Variants in DCLK1 observed in about 807,000 individuals in gnomAD.
DCLK1 encodes serine/threonine-protein kinase DCLK1.
Under a neutral mutation model 86.2 loss-of-function variants are expected in DCLK1, and 16 were observed. The observed-to-expected ratio is 0.19, with a 90% CI of 0.13 to 0.28. The LOEUF (loss-of-function observed/expected upper bound fraction) is 0.28, where lower values mean the gene tolerates loss of function less well. Ranked by LOEUF, DCLK1 falls within the 10% of genes least tolerant of loss-of-function variation. The probability of loss-of-function intolerance (pLI) is 1.00; values close to 1 mark genes in which losing one functional copy is unlikely to be tolerated. For missense variants in DCLK1, 590 were observed against 940.2 expected, an observed-to-expected ratio of 0.63 and a Z score of 4.87; for synonymous variants, 369 against 370.5, an observed-to-expected ratio of 1.00 and a Z score of 0.05.
intron 3 of DCLK1, among the ~76,000 whole-genome samples, chr13:35,956,369 T>G (rs1268738203): frequency 6.6e-6 from 1 of 152,210 alleles, no homozygotes; most frequent in Non-Finnish European, 1.5e-5. Flanking sequence ...CACAAAAGAT[T>G]CATGCAAGTA....
At chr13:35,873,981 C>A (rs553255004) in intron 4 of DCLK1, among the ~76,000 whole-genome samples, 1 of 152,086 alleles carries the variant, frequency 6.6e-6, no homozygotes, top group Non-Finnish European at 1.5e-5. Flanking sequence ...AAATATTTAT[C>A]ATTGTAGGTA....
At chr13:35,935,293 G>A (rs1262769738) in intron 4 of DCLK1, among the ~76,000 whole-genome samples, 1 of 152,148 alleles carries the variant, frequency 6.6e-6, no homozygotes, top group African/African-American at 2.4e-5. Flanking sequence ...GGCAGTGGAG[G>A]GCTAGGTAAG....
intron 3 of DCLK1, among the ~76,000 whole-genome samples, chr13:36,050,612 C>T (rs541608776): frequency 1.3e-5 from 2 of 152,166 alleles, no homozygotes; most frequent in East Asian, 1.9e-4. Flanking sequence ...GGATTAGGCC[C>T]CATTATTTCA....
At chr13:35,825,938 AAGTAGCTGGGATTAC>A (rs1243935085) in intron 10 of DCLK1, among the ~76,000 whole-genome samples, 1 of 151,446 alleles carries the variant, frequency 6.6e-6, no homozygotes, top group East Asian at 2.0e-4. Flanking sequence ...TCAGCCTCCC[AAGTAGCTGGGATTAC>A]AGGCGCCTGC....
intron 3 of DCLK1, among the ~76,000 whole-genome samples, chr13:36,033,256 A>AT (rs1186906742): frequency 6.6e-6 from 1 of 152,168 alleles, no homozygotes; most frequent in Non-Finnish European, 1.5e-5. Flanking sequence ...CCTTATTTTA[A>AT]TTTTGTTATT....
chr13:35,842,493 A>C (rs903385279), intron 6 of DCLK1, among the ~76,000 whole-genome samples: 6 of 149,306 alleles, frequency 4.0e-5, no homozygotes, highest in Non-Finnish European at 8.9e-5. Context: ...CAACATAGTG[A>C]AACCCTGTCT....
At chr13:35,995,081 T>A (rs1191927171) in intron 3 of DCLK1, among the ~76,000 whole-genome samples, 2 of 152,198 alleles carry the variant, frequency 1.3e-5, no homozygotes, top group Non-Finnish European at 2.9e-5. Context: ...TCTGAGAAAT[T>A]TTTGTCTAAG....
At chr13:36,056,906 A>AAAAAATAT (rs4054844) in intron 3 of DCLK1, among the ~76,000 whole-genome samples, 19 of 130,172 alleles carry the variant, frequency 1.5e-4, no homozygotes, top group Admixed American at 9.5e-4. Flanking sequence ...AAAAAAAAAA[A>AAAAAATAT]ATATATATAT....
intron 3 of DCLK1, among the ~76,000 whole-genome samples, chr13:36,040,356 T>A (rs1593839842): frequency 7.6e-6 from 1 of 132,418 alleles, no homozygotes; most frequent in Non-Finnish European, 1.6e-5. Context: ...ATTTGCAGGG[T>A]ATTCCTCCAT....
chr13:36,079,844 C>T (rs1424806327), intron 3 of DCLK1, among the ~76,000 whole-genome samples: 1 of 152,178 alleles, frequency 6.6e-6, no homozygotes, highest in South Asian at 2.1e-4. Flanking sequence ...ACTTGTGATG[C>T]TGCACATAGA....
At chr13:35,811,028 G>A in intron 11 of DCLK1, 60 bp from the exon 12 acceptor site, 1 of 1,602,542 alleles carries the variant, frequency 6.2e-7, no homozygotes, top group Non-Finnish European at 8.5e-7. Flanking sequence ...GCCCTTTCTT[G>A]AAGAAATGAG....
intron 6 of DCLK1, among the ~76,000 whole-genome samples, chr13:35,853,650 G>C (rs1399677837): frequency 6.6e-6 from 1 of 152,186 alleles, no homozygotes; most frequent in Non-Finnish European, 1.5e-5. Context: ...TTGTGTTTGA[G>C]TGCAGTAGAC....
intron 2 of DCLK1, among the ~76,000 whole-genome samples, chr13:36,113,316 T>C (rs1885676344): frequency 1.3e-5 from 2 of 152,312 alleles, no homozygotes; most frequent in Admixed American, 1.3e-4. Flanking sequence ...TTATACATGT[T>C]ACTGAACACT....
chr13:35,774,524 A>C lies in DCLK1; in HGVS notation c.*11T>G. 6.4e-7 allele frequency: 1 copy of C among 1,551,680 alleles called. No individual in the cohort carries two copies. Among genetic ancestry groups the C allele is most frequent in the Non-Finnish European group, 8.7e-7 (1 of 1,146,998 alleles). On this transcript the variant is annotated 3_prime_UTR_variant, in exon 17 of 17. Transcript: ENST00000360631. ...AAGGGTTAAGCTAGGACTTTGAGTA[A>C]AAGGGTCTTATTAAAAGGGCGAGTT...
intron 4 of DCLK1, among the ~76,000 whole-genome samples, chr13:35,884,563 C>A (rs1873115172): frequency 6.6e-6 from 1 of 152,144 alleles, no homozygotes; most frequent in Non-Finnish European, 1.5e-5. Flanking sequence ...ATAAAAAGAG[C>A]ATAACAATGT....
intron 3 of DCLK1, among the ~76,000 whole-genome samples, chr13:36,109,235 G>A (rs1176257804): frequency 1.3e-5 from 2 of 152,108 alleles, no homozygotes; most frequent in Non-Finnish European, 2.9e-5. Context: ...CAAACTGAAC[G>A]CTTGACAAAA....
chr13:36,006,607 G>A (rs1174103478), intron 3 of DCLK1, among the ~76,000 whole-genome samples: 2 of 152,218 alleles, frequency 1.3e-5, no homozygotes, highest in Non-Finnish European at 2.9e-5. Context: ...GGAAAGGAGG[G>A]GGCGCAGCCC....
Position 35,855,231 on chromosome 13 carries a change from A to G in DCLK1, c.941-638T>C, listed in dbSNP as rs545635832. 5.3e-5 allele frequency among the ~76,000 whole-genome samples: 8 copies of G among 152,332 alleles called. No individual in the cohort carries two copies. The South Asian group carries it at 1.0e-3, about 20-fold the overall frequency. On this transcript the variant is annotated intron_variant, in intron 5 of 16. Transcript: ENST00000360631. ...AGTTCAAATCACTGGAATTCTACCC[A>G]GTTCTCAAGAGTTTTATGCACATTT... is the stretch of plus-strand genomic sequence containing the variant.
intron 15 of DCLK1, among the ~76,000 whole-genome samples, chr13:35,802,067 C>T (rs1225099035): frequency 6.6e-6 from 1 of 152,200 alleles, no homozygotes; most frequent in South Asian, 2.1e-4. Context: ...GCTGTTCTCA[C>T]TACCCTGGAA....
Sources: gnomAD v4.1 joint callset for allele counts (sites outside exome capture counted in the v4.1 genomes callset) on GRCh38, gnomAD v4.1.1 for gene constraint, MANE v1.5 for transcripts, NCBI Gene and HGNC (gene_info 2026-07-23, HGNC 2026-07-21) for gene names.